Variants in KATNIP observed in about 807,000 individuals in gnomAD.
The protein encoded by KATNIP is katanin interacting protein.
KATNIP carries 126 observed loss-of-function variants against 174.0 expected under a neutral mutation model. The observed-to-expected ratio is 0.72, with a 90% CI of 0.63 to 0.84. KATNIP has a LOEUF of 0.84. Among genes scored for constraint, KATNIP ranks in the 40% least tolerant of loss-of-function variants. The pLI is 0.00. For synonymous variants in KATNIP, 810 were observed against 835.7 expected (o/e 0.97, Z 0.53); for missense variants, 1,958 against 2,109.7 (o/e 0.93, Z 1.41).
chr16:27,630,932 T>C (rs1372920847), intron 4 of KATNIP, 133 bp from the exon 5 acceptor site: 17 of 665,408 alleles, frequency 2.6e-5, no homozygotes, highest in Non-Finnish European at 4.0e-5. Context: ...ACAACCACGC[T>C]GTAGTCAATG....
At position 27,778,738 on chromosome 16, in the gene KATNIP, A is replaced by G. The variant is rs1410424627; in HGVS notation, c.*109A>G. On this transcript the variant is annotated 3_prime_UTR_variant, in exon 28 of 28. Transcript: ENST00000261588. ...GTCCCAGGAGCTGGAAGCGAACCACAGTGTTGAGGGGAGCCCGCTGGGAAG... is the reference window on the plus strand; with the variant it reads ...GTCCCAGGAGCTGGAAGCGAACCACGGTGTTGAGGGGAGCCCGCTGGGAAG... 2 of 1,123,142 alleles carry G rather than the reference A, an allele frequency of 1.8e-6. No individual in the cohort carries two copies. The highest frequency in any genetic ancestry group is 2.1e-5 in the Admixed American group (1 of 48,630). 69.6% of individuals were successfully genotyped at this position (1,123,142 alleles called of 1,614,324 possible).
chr16:27,675,244 G>A (rs1168149876), intron 6 of KATNIP, among the ~76,000 whole-genome samples: 1 of 152,206 alleles, frequency 6.6e-6, no homozygotes, highest in African/African-American at 2.4e-5. Flanking sequence ...AGGCAAGAGA[G>A]CTTGTGCAGG....
At chr16:27,572,523 G>A (rs567116474) in intron 1 of KATNIP, among the ~76,000 whole-genome samples, 2 of 152,166 alleles carry the variant, frequency 1.3e-5, no homozygotes, top group African/African-American at 2.4e-5. Flanking sequence ...GCTCACACAC[G>A]GAGATAGCCC....
At chr16:27,718,588 A>G (rs2080066316) in intron 13 of KATNIP, 1 of 152,252 alleles carries the variant, frequency 6.6e-6, no homozygotes, top group Non-Finnish European at 1.5e-5. Context: ...GCTGACAGAA[A>G]TGTGAAGGGA....
At chr16:27,608,685 T>A (rs547505343) in intron 2 of KATNIP, among the ~76,000 whole-genome samples, 3 of 152,052 alleles carry the variant, frequency 2.0e-5, no homozygotes, top group African/African-American at 7.2e-5. Flanking sequence ...ACCCAGCTAA[T>A]TTTTAAAAAA....
Position 27,669,979 on chromosome 16 carries a change from C to T in KATNIP, c.541-7750C>T, listed in dbSNP as rs137975147. Among the ~76,000 whole-genome samples, 357 of 152,116 alleles carry T rather than the reference C, an allele frequency of 2.3e-3. 1 individual carries two copies. Among genetic ancestry groups the T allele is most frequent in the Non-Finnish European group, 4.1e-3 (281 of 68,014 alleles). Reference sequence around the variant, plus strand: ...CCGAGATTACAGGCATGAGCCACTGCGCCTGGCCTATATATATTTTGCAAA... The same window carrying T: ...CCGAGATTACAGGCATGAGCCACTGTGCCTGGCCTATATATATTTTGCAAA... On this transcript the variant is annotated intron_variant, in intron 6 of 27. Coordinates refer to ENST00000261588, the MANE Select transcript of KATNIP (RefSeq NM_015202.5).
At chr16:27,698,975 G>A (rs865853381) in intron 9 of KATNIP, among the ~76,000 whole-genome samples, 84 of 152,304 alleles carry the variant, frequency 5.5e-4, no homozygotes, top group African/African-American at 1.9e-3. Context: ...TTGAGCTTCC[G>A]CCTGCTGCCT....
chr16:27,567,436 C>T (rs2090131699), intron 1 of KATNIP, among the ~76,000 whole-genome samples: 1 of 152,204 alleles, frequency 6.6e-6, no homozygotes, highest in Admixed American at 6.5e-5. Context: ...TGAGACCAGC[C>T]TGGACAACAT....
chr16:27,750,172 C>T lies in KATNIP; in HGVS notation c.3212C>T (p.Ala1071Val), dbSNP rs749250539. The T allele has an allele frequency of 1.3e-5, 21 of 1,614,014 alleles. No homozygotes were observed. The highest frequency in any genetic ancestry group is 1.7e-5 in the Non-Finnish European group (20 of 1,180,042). ...TIDFTHPCHV[A>V]LIRIWNYNKS... ...GACTTCACGCACCCTTGCCACGTTG[C>T]CCTGATCAGAATTTGGAACTACAAT... is the stretch of plus-strand genomic sequence containing the variant. The change falls in exon 16 of 28, where the codon GCC (alanine) becomes GTC (valine). Residue 1071 changes from alanine (A) to valine (V), a missense_variant. Transcript: ENST00000261588.
chr16:27,579,999 G>A (rs1296521416), intron 2 of KATNIP, among the ~76,000 whole-genome samples: 1 of 151,942 alleles, frequency 6.6e-6, no homozygotes, highest in South Asian at 2.1e-4. Context: ...AGGATCCAGG[G>A]TGCCTCCAGG....
At chr16:27,577,797 C>T (rs977080954) in intron 2 of KATNIP, among the ~76,000 whole-genome samples, 4 of 152,064 alleles carry the variant, frequency 2.6e-5, no homozygotes, top group Non-Finnish European at 4.4e-5. Context: ...CGCTTGAGCC[C>T]AGGAGTTCGA....
chr16:27,556,168 A>C (rs1008946258), intron 1 of KATNIP, among the ~76,000 whole-genome samples: 10 of 152,098 alleles, frequency 6.6e-5, no homozygotes, highest in African/African-American at 2.4e-4. Flanking sequence ...TGTTGTTATC[A>C]TTATCTGCAA....
At chr16:27,769,113 T>A (rs2082215124) in intron 20 of KATNIP, among the ~76,000 whole-genome samples, 1 of 152,186 alleles carries the variant, frequency 6.6e-6, no homozygotes, top group Non-Finnish European at 1.5e-5. Flanking sequence ...CAGGGAGAGA[T>A]GTTGGCTCAA....
intron 18 of KATNIP, among the ~76,000 whole-genome samples, chr16:27,760,601 G>C (rs2081914428): frequency 6.6e-6 from 1 of 152,200 alleles, no homozygotes; most frequent in South Asian, 2.1e-4. Context: ...CCAGCGCTGG[G>C]GCTTACTGAT....
At chr16:27,570,290 G>A (rs937343315) in intron 1 of KATNIP, among the ~76,000 whole-genome samples, 9 of 152,002 alleles carry the variant, frequency 5.9e-5, no homozygotes, top group African/African-American at 9.7e-5. Flanking sequence ...TGAGCCAGGC[G>A]CAGTGGCTCA....
intron 2 of KATNIP, among the ~76,000 whole-genome samples, chr16:27,600,339 G>C (rs949868683): frequency 3.3e-5 from 5 of 152,182 alleles, no homozygotes; most frequent in Admixed American, 3.3e-4. Flanking sequence ...ACTGCAGTAT[G>C]TGAGAGTTAA....
rs966285407 is a variant in KATNIP, at chr16:27,751,871, G to A, written c.3499G>A (p.Gly1167Ser). 2.1e-5 allele frequency: 34 copies of A among 1,613,628 alleles called. No homozygotes were observed. Among genetic ancestry groups the A allele is most frequent in the African/African-American group, 4.0e-5 (3 of 74,936 alleles). Residue 1167 changes from glycine (G) to serine (S), a missense_variant, in exon 17 of 28, where the codon GGC becomes AGC. Physicochemically the swap from Gly to Ser is moderately conservative, Grantham distance 56 (BLOSUM62 0). Around this residue, in one of 3 missense-constraint regions of KATNIP, gnomAD observed 1,557 missense variants for 1,617.8 expected, o/e 0.96. Transcript: ENST00000261588. The stretch of plus-strand genomic sequence containing the variant: ...AATGAGGAGGCCCAGCACGGCCGAC[G>A]GCGAGGGGGATGAGCGGCCCTTCAC... ...EAMRRPSTAD[G>S]EGDERPFTQA...
intron 15 of KATNIP, among the ~76,000 whole-genome samples, chr16:27,745,246 T>A (rs114123058): frequency 0.01 from 1,565 of 152,342 alleles, 29 homozygotes; most frequent in African/African-American, 0.036. Flanking sequence ...TAGCCACTCA[T>A]CACAGGGGAC....
chr16:27,627,539 C>T (rs1038589802), intron 3 of KATNIP, among the ~76,000 whole-genome samples: 1 of 152,208 alleles, frequency 6.6e-6, no homozygotes, highest in Non-Finnish European at 1.5e-5. Flanking sequence ...CAAAGACTCA[C>T]AGGCACCTGA....
Sources: gnomAD v4.1 joint callset for allele counts (sites outside exome capture counted in the v4.1 genomes callset) on GRCh38, gnomAD v4.1.1 for gene constraint, gnomAD v4.1.1 regional missense constraint, MANE v1.5 for transcripts, NCBI Gene and HGNC (gene_info 2026-07-23, HGNC 2026-07-21) for gene names.